The following KCTD8 variants were observed in gnomAD, a reference collection of about 807,000 sequenced individuals.
The protein encoded by KCTD8 is potassium channel tetramerization domain containing 8.
KCTD8 carries 27 observed loss-of-function variants against 31.5 expected under a neutral mutation model. That is an observed-to-expected ratio of 0.86 (90% CI 0.63 to 1.18). The LOEUF is 1.18. Among genes scored for constraint, KCTD8 ranks in the 50% most tolerant of loss-of-function variants. KCTD8 has a pLI of 0.00. For synonymous variants in KCTD8, 290 were observed against 280.0 expected (o/e 1.04, Z -0.36); for missense variants, 658 against 647.7 (o/e 1.02, Z -0.17).
At position 44,448,340 on chromosome 4, in the gene KCTD8, G is replaced by C. The variant is rs1187427845; in HGVS notation, c.184C>G (p.Leu62Val). ...GQVYVTKHSTLLSVPDSTLAS... is the reference protein window; with the variant it reads ...GQVYVTKHSTVLSVPDSTLAS... Reference sequence around the variant, plus strand: ...AAAGTACTGTCCGGGACGCTGAGCAGCGTCGAGTGCTTGGTCACATAAACC... The same window carrying C: ...AAAGTACTGTCCGGGACGCTGAGCACCGTCGAGTGCTTGGTCACATAAACC... The change falls in exon 1 of 2, where the codon CTG becomes GTG. Residue 62 changes from leucine to valine, a missense_variant. Transcript: ENST00000360029. This position sits in a 1 kb window ranked among gnomAD's most constrained non-coding sequence, Gnocchi z 4.1. 2 of 1,595,322 alleles carry C rather than the reference G, an allele frequency of 1.3e-6. No individual in the cohort carries two copies. The highest frequency in any genetic ancestry group is 1.7e-6 in the Non-Finnish European group (2 of 1,171,490).
At chr4:44,421,462 A>T (rs1721208432) in intron 1 of KCTD8, among the ~76,000 whole-genome samples, 1 of 152,106 alleles carries the variant, frequency 6.6e-6, no homozygotes. Context: ...GATTCAGTAT[A>T]TCTCTTGCAG....
At chr4:44,309,467 T>C (rs1717891638) in intron 1 of KCTD8, among the ~76,000 whole-genome samples, 1 of 152,224 alleles carries the variant, frequency 6.6e-6, no homozygotes, top group South Asian at 2.1e-4. Context: ...CTTTGGAAGA[T>C]ATATCTTTTA....
intron 1 of KCTD8, among the ~76,000 whole-genome samples, chr4:44,326,134 G>GT: frequency 6.6e-6 from 1 of 151,876 alleles, no homozygotes; most frequent in East Asian, 1.9e-4. Context: ...TCATTTGTTT[G>GT]TTTTAGTCAT....
chr4:44,225,815 CTTTTTTT>C (rs35751540), intron 1 of KCTD8, among the ~76,000 whole-genome samples: 4 of 74,450 alleles, frequency 5.4e-5, no homozygotes, highest in South Asian at 1.1e-3. Flanking sequence ...GGTTTTGTCT[CTTTTTTT>C]TTTTTTTTTT....
intron 1 of KCTD8, among the ~76,000 whole-genome samples, chr4:44,313,694 C>G (rs1318154645): frequency 1.3e-5 from 2 of 152,118 alleles, no homozygotes; most frequent in East Asian, 3.9e-4. Flanking sequence ...GTTTACCAGG[C>G]ACTAGCTTAG....
At chr4:44,243,387 C>T (rs187038370) in intron 1 of KCTD8, among the ~76,000 whole-genome samples, 2 of 152,314 alleles carry the variant, frequency 1.3e-5, no homozygotes, top group East Asian at 3.9e-4. Flanking sequence ...CACCAACTTA[C>T]AGTACACCAT....
In KCTD8 at chr4:44,306,487, G is replaced by T. The variant is rs574037551; in HGVS notation, c.962-131237C>A. On this transcript the variant is annotated intron_variant, in intron 1 of 1. Transcript: ENST00000360029. ...ACATTTCTTTATCAAAAAAGGTATT[G>T]CTTGAATTCTAGTCTCCTTAGTTCA... 9.9e-5 allele frequency among the ~76,000 whole-genome samples: 15 copies of T among 152,064 alleles called. No individual in the cohort carries two copies. The South Asian group carries it at 3.1e-3, about 32-fold the overall frequency.
chr4:44,399,549 G>A (rs62306878), intron 1 of KCTD8, among the ~76,000 whole-genome samples: 1,691 of 152,192 alleles, frequency 0.011, 14 homozygotes, highest in Non-Finnish European at 0.017. Context: ...AGAGATCAAC[G>A]GCCCTTTATA....
intron 1 of KCTD8, among the ~76,000 whole-genome samples, chr4:44,393,391 A>G (rs1720418126): frequency 6.6e-6 from 1 of 151,992 alleles, no homozygotes; most frequent in Admixed American, 6.6e-5. Context: ...AAAACTACAT[A>G]ACAGTTATTC....
At chr4:44,402,496 A>C (rs1720689625) in intron 1 of KCTD8, among the ~76,000 whole-genome samples, 1 of 152,174 alleles carries the variant, frequency 6.6e-6, no homozygotes, top group Admixed American at 6.5e-5. Flanking sequence ...CAGAGAAACA[A>C]GTCTACGGTA....
chr4:44,261,501 C>T (rs1357728036), intron 1 of KCTD8, among the ~76,000 whole-genome samples: 1 of 151,934 alleles, frequency 6.6e-6, no homozygotes, highest in Non-Finnish European at 1.5e-5. Context: ...TATAGTACTA[C>T]TAACTATAGT....
At chr4:44,307,365 C>T (rs1717833136) in intron 1 of KCTD8, among the ~76,000 whole-genome samples, 1 of 151,936 alleles carries the variant, frequency 6.6e-6, no homozygotes, top group Non-Finnish European at 1.5e-5. Context: ...TCATCTATAT[C>T]TGTTGCCTAA....
intron 1 of KCTD8, among the ~76,000 whole-genome samples, chr4:44,296,916 C>A (rs1160014571): frequency 6.6e-6 from 1 of 151,838 alleles, no homozygotes; most frequent in Non-Finnish European, 1.5e-5. Flanking sequence ...CTGAAACACT[C>A]CATTAGATAA....
intron 1 of KCTD8, among the ~76,000 whole-genome samples, chr4:44,282,633 T>C (rs1463215274): frequency 6.6e-6 from 1 of 152,052 alleles, no homozygotes; most frequent in Non-Finnish European, 1.5e-5. Flanking sequence ...AAGTTGTGAA[T>C]GCAAAGGAAA....
At chr4:44,340,714 C>T (rs569167934) in intron 1 of KCTD8, among the ~76,000 whole-genome samples, 39 of 152,058 alleles carry the variant, frequency 2.6e-4, no homozygotes, top group South Asian at 1.0e-3. Context: ...AATGCAACAA[C>T]GTAAACCTGA....
chr4:44,376,037 T>A (rs12507260), intron 1 of KCTD8, among the ~76,000 whole-genome samples: 124,080 of 152,022 alleles, frequency 0.82, 50,883 homozygotes, highest in South Asian at 0.89. Context: ...GAGACTGCAG[T>A]AATTGCTGCC....
intron 1 of KCTD8, among the ~76,000 whole-genome samples, chr4:44,176,455 A>G (rs539700236): frequency 1.3e-5 from 2 of 152,308 alleles, no homozygotes; most frequent in Admixed American, 6.5e-5. Context: ...GTTATGAACC[A>G]CTGATCAGTC....
chr4:44,336,736 T>C (rs920474272), intron 1 of KCTD8, among the ~76,000 whole-genome samples: 1 of 152,088 alleles, frequency 6.6e-6, no homozygotes, highest in Non-Finnish European at 1.5e-5. Context: ...TAAACAGTCA[T>C]AATATAATGA....
At chr4:44,352,802 C>T (rs917911479) in intron 1 of KCTD8, among the ~76,000 whole-genome samples, 1 of 151,728 alleles carries the variant, frequency 6.6e-6, no homozygotes, top group Non-Finnish European at 1.5e-5. Context: ...TATGTAACAC[C>T]TCTCTATCTT....
Sources: gnomAD v4.1 joint callset for allele counts (sites outside exome capture counted in the v4.1 genomes callset) on GRCh38, gnomAD v4.1.1 for gene constraint, Gnocchi (gnomAD v3.1) non-coding constraint, MANE v1.5 for transcripts, NCBI Gene and HGNC (gene_info 2026-07-23, HGNC 2026-07-21) for gene names.